Variants in TBC1D12 observed in about 807,000 individuals in gnomAD.
TBC1D12 encodes the protein TBC1 domain family member 12.
TBC1D12 carries 56 observed loss-of-function variants against 86.7 expected under a neutral mutation model. The observed-to-expected ratio is 0.65, with a 90% CI of 0.52 to 0.81. The LOEUF (loss-of-function observed/expected upper bound fraction) is 0.81. Among genes scored for constraint, TBC1D12 ranks in the 30% least tolerant of loss-of-function variants. TBC1D12 has a pLI of 0.00. For synonymous variants in TBC1D12, 421 were observed against 411.7 expected (o/e 1.02, Z -0.27); for missense variants, 1,023 against 1,038.8 (o/e 0.98, Z 0.21).
intron 6 of TBC1D12, among the ~76,000 whole-genome samples, chr10:94,506,173 A>G (rs2056458585): frequency 6.6e-6 from 1 of 151,930 alleles, no homozygotes; most frequent in Admixed American, 6.6e-5. Flanking sequence ...AGTATCTGGG[A>G]TTACAGGCAT....
chr10:94,479,066 G>A (rs915672570), intron 3 of TBC1D12, among the ~76,000 whole-genome samples: 3 of 152,196 alleles, frequency 2.0e-5, no homozygotes, highest in South Asian at 2.1e-4. Context: ...GTATCTTAAG[G>A]GCTCAGAGTC....
chr10:94,422,872 A>G (rs1432907404), intron 1 of TBC1D12, among the ~76,000 whole-genome samples: 1 of 152,114 alleles, frequency 6.6e-6, no homozygotes, highest in African/African-American at 2.4e-5. Context: ...ACACCTGGCT[A>G]AGCTACCTTA....
chr10:94,458,693 C>T (rs1398906075), intron 2 of TBC1D12, among the ~76,000 whole-genome samples: 1 of 152,072 alleles, frequency 6.6e-6, no homozygotes, highest in Admixed American at 6.6e-5. Flanking sequence ...TTCGCGGTCT[C>T]GCTGGCTTCA....
intron 2 of TBC1D12, among the ~76,000 whole-genome samples, chr10:94,465,766 A>G (rs1436309684): frequency 6.6e-6 from 1 of 151,112 alleles, no homozygotes. Context: ...ATACATACAT[A>G]CGTATACGCA....
At chr10:94,414,390 G>GTTAT (rs958636342) in intron 1 of TBC1D12, among the ~76,000 whole-genome samples, 10 of 152,182 alleles carry the variant, frequency 6.6e-5, no homozygotes, top group Admixed American at 6.5e-4. Context: ...TTAGGTAGAA[G>GTTAT]TTAGCCATGT....
intron 2 of TBC1D12, among the ~76,000 whole-genome samples, chr10:94,458,628 C>T (rs371072393): frequency 2.0e-5 from 3 of 151,914 alleles, no homozygotes; most frequent in South Asian, 4.2e-4. Flanking sequence ...ATGGTGTGTC[C>T]GGAATTTGCT....
rs910472270 is a variant in TBC1D12, at chr10:94,404,821, G to C, written c.971+1237G>C. ...CCAGCACTTTGGGAGGCCGAGGTGG[G>C]TGGATCACCTGAGGTCAGAGTTCGA... On this transcript the variant is annotated intron_variant, in intron 1 of 12. Transcript: ENST00000225235. Among the ~76,000 whole-genome samples, 4 of 151,738 alleles carry C rather than the reference G, an allele frequency of 2.6e-5. No homozygotes were observed. The East Asian group carries it at 7.8e-4, about 30-fold the overall frequency.
At chr10:94,413,921 C>A (rs2054961938) in intron 1 of TBC1D12, among the ~76,000 whole-genome samples, 1 of 152,088 alleles carries the variant, frequency 6.6e-6, no homozygotes, top group African/African-American at 2.4e-5. Flanking sequence ...GTACAACTAC[C>A]CATCATACGT....
chr10:94,468,584 A>G (rs1181973840), intron 2 of TBC1D12, among the ~76,000 whole-genome samples: 2 of 152,118 alleles, frequency 1.3e-5, no homozygotes, highest in Non-Finnish European at 1.5e-5. Context: ...TCTTTTCAAT[A>G]TAAGTGCTTT....
chr10:94,439,739 A>T (rs1160028700), intron 1 of TBC1D12, among the ~76,000 whole-genome samples: 1 of 152,166 alleles, frequency 6.6e-6, no homozygotes, highest in Admixed American at 6.5e-5. Flanking sequence ...GATTAAAGGA[A>T]TTTTTTCTGT....
In TBC1D12 at chr10:94,474,794, T is replaced by A; in HGVS notation, c.1211+11T>A. The A allele has an allele frequency of 6.2e-7, 1 of 1,600,652 alleles. No homozygotes were observed. The highest frequency in any genetic ancestry group is 8.6e-7 in the Non-Finnish European group (1 of 1,168,332). On this transcript the variant is annotated intron_variant, in intron 3 of 12. Transcript: ENST00000225235. ...TGAGGATCGACCATCGTAAGTATTT[T>A]AGTGATAATCAGTGACATTGTTTAT...
intron 1 of TBC1D12, among the ~76,000 whole-genome samples, chr10:94,409,518 T>C (rs1243871154): frequency 6.6e-6 from 1 of 151,818 alleles, no homozygotes; most frequent in Non-Finnish European, 1.5e-5. Context: ...ACTACAGGCA[T>C]GCACCACTAC....
intron 1 of TBC1D12, among the ~76,000 whole-genome samples, chr10:94,423,132 T>TAAAGG (rs113484346): frequency 0.44 from 66,653 of 151,290 alleles, 15,011 homozygotes; most frequent in East Asian, 0.79. Flanking sequence ...GAGAAAAAGA[T>TAAAGG]AAAGCAAAAA....
At position 94,497,148 on chromosome 10, in the gene TBC1D12, A is replaced by T; in HGVS notation, c.1388A>T (p.Glu463Val). The T allele has an allele frequency of 6.4e-7, 1 of 1,556,714 alleles. No individual in the cohort carries two copies. Residue 463 changes from glutamate to valine, a missense_variant, in exon 5 of 13, where the codon GAA becomes GTA. By Grantham distance (121) the Glu-to-Val change is moderately radical. Around this residue, in one of 2 missense-constraint regions of TBC1D12, gnomAD observed 395 missense variants for 507.7 expected, o/e 0.78. Transcript: ENST00000225235. ...AGTGCAATGGTAATTTGGATCAATG[A>T]AATACTGCCCAATTGGGAAGTAATG... The part of the protein sequence containing the change: ...IASAMVIWIN[E>V]ILPNWEVMRS...
intron 2 of TBC1D12, among the ~76,000 whole-genome samples, chr10:94,452,517 T>C (rs2055565881): frequency 6.6e-6 from 1 of 152,164 alleles, no homozygotes; most frequent in African/African-American, 2.4e-5. Context: ...CAGACTATTA[T>C]GTAATTGGAA....
intron 6 of TBC1D12, among the ~76,000 whole-genome samples, chr10:94,505,963 T>G (rs2056455046): frequency 6.6e-6 from 1 of 152,182 alleles, no homozygotes; most frequent in Non-Finnish European, 1.5e-5. Flanking sequence ...CTTGGAAGAA[T>G]TAGAGCTCTG....
chr10:94,457,268 C>G (rs1225882182), intron 2 of TBC1D12, among the ~76,000 whole-genome samples: 1 of 152,130 alleles, frequency 6.6e-6, no homozygotes, highest in Non-Finnish European at 1.5e-5. Flanking sequence ...CTCCCCACCC[C>G]CTGACAGGCC....
At position 94,437,991 on chromosome 10, in the gene TBC1D12, C is replaced by CTT. The variant is rs60477158; in HGVS notation, c.972-3879_972-3878dup. 5.0e-4 allele frequency among the ~76,000 whole-genome samples: 15 copies of CTT among 30,042 alleles called. 1 individual carries two copies. Among genetic ancestry groups the CTT allele is most frequent in the African/African-American group, 1.4e-3 (9 of 6,332 alleles). 19.7% of individuals were successfully genotyped at this position (30,042 alleles called of 152,430 possible). A position where few individuals can be genotyped will look rare whatever the true frequency, so the allele number is the denominator to read the frequency against. ...TTTTTTCTTTTTCAATCTCCTGGAG[C>CTT]TTTTTTTTTTTTTTTTTTTTTTTTT... On this transcript the variant is annotated intron_variant, in intron 1 of 12. Transcript: ENST00000225235.
Position 94,493,443 on chromosome 10 carries a change from A to C in TBC1D12, c.1290A>C (p.Lys430Asn). The C allele has an allele frequency of 2.5e-6, 4 of 1,609,722 alleles. No homozygotes were observed. The highest frequency in any genetic ancestry group is 1.1e-5 in the South Asian group (1 of 89,660). Reference protein sequence around the residue: ...EYDEMVAEAKKREIKEAHKRK... With the variant: ...EYDEMVAEAKNREIKEAHKRK... The stretch of plus-strand genomic sequence containing the variant: ...ATGAGATGGTGGCTGAGGCTAAAAA[A>C]CGAGGTATAAAATTTAACTCCAAAT... Residue 430 changes from lysine to asparagine, a missense_variant, in exon 4 of 13, where the codon AAA becomes AAC. Transcript: ENST00000225235.
Sources: gnomAD v4.1 joint callset for allele counts (sites outside exome capture counted in the v4.1 genomes callset) on GRCh38, gnomAD v4.1.1 for gene constraint, gnomAD v4.1.1 regional missense constraint, MANE v1.5 for transcripts, NCBI Gene and HGNC (gene_info 2026-07-23, HGNC 2026-07-21) for gene names.